ZNF197: variants seen among roughly 807,000 people sequenced by gnomAD.
ZNF197 encodes the protein VHL-associated KRAB-A domain-containing protein.
Under a neutral mutation model 27.4 loss-of-function variants are expected in ZNF197, and 14 were observed. The observed-to-expected ratio is 0.51, with a 90% CI of 0.34 to 0.80. The LOEUF (loss-of-function observed/expected upper bound fraction) is 0.80, where lower values mean the gene tolerates loss of function less well. Among genes scored for constraint, ZNF197 ranks in the 30% least tolerant of loss-of-function variants. The pLI is 0.02. For synonymous variants in ZNF197, 415 were observed against 420.0 expected (o/e 0.99, Z 0.15); for missense variants, 1,090 against 1,222.6 (o/e 0.89, Z 1.62).
chr3:44,625,963 C>A (rs13321717), intron 1 of ZNF197, among the ~76,000 whole-genome samples: 57,496 of 152,052 alleles, frequency 0.38, 12,212 homozygotes, highest in East Asian at 0.83. Context: ...GAATTAGAAT[C>A]CCTGAATTCA....
rs1284465888 is a variant in ZNF197, at chr3:44,647,342, A to G, written c.*3122A>G. ...CAAGGATGAAGAGAAACAGGATCTC[A>G]TACATTGCTGGGAATGTAAAATGGT... On this transcript the variant is annotated 3_prime_UTR_variant, in exon 6 of 6. Coordinates refer to ENST00000344387, the MANE Select transcript of ZNF197 (RefSeq NM_006991.5). 1 of 152,068 alleles carries G rather than the reference A, an allele frequency of 6.6e-6. No individual in the cohort carries two copies. Among genetic ancestry groups the G allele is most frequent in the Admixed American group, 6.6e-5 (1 of 15,262 alleles). 9.4% of individuals were successfully genotyped at this position (152,068 alleles called of 1,614,324 possible).
At chr3:44,625,769 CA>C (rs2125787683) in intron 1 of ZNF197, among the ~76,000 whole-genome samples, 1 of 152,194 alleles carries the variant, frequency 6.6e-6, no homozygotes, top group East Asian at 1.9e-4. Flanking sequence ...CACACACACA[CA>C]CACACACACA....
Position 44,646,682 on chromosome 3 carries a change from CTTTTG to C in ZNF197, c.*2464_*2468del. On this transcript the variant is annotated 3_prime_UTR_variant, in exon 6 of 6. Coordinates refer to ENST00000344387, the MANE Select transcript of ZNF197 (RefSeq NM_006991.5). ...TGTGAGTTTATTATACCATTCTCTG[CTTTTG>C]TGTATGTATGAAAATTTCGATATGA... is the stretch of plus-strand genomic sequence containing the variant. 5.2e-6 allele frequency: 3 copies of C among 574,224 alleles called. No individual in the cohort carries two copies. Among genetic ancestry groups the C allele is most frequent in the Non-Finnish European group, 9.4e-6 (3 of 319,822 alleles). The allele number at this position is 574,224 out of a possible 1,614,324, so 35.6% of individuals were successfully genotyped here. A position where few individuals can be genotyped will look rare whatever the true frequency, so the allele number is the denominator to read the frequency against.
rs528576370 is a variant in ZNF197 at position 44,630,905 on chromosome 3, C to G, written c.391-157C>G. 192 of 1,019,238 alleles carry G rather than the reference C, an allele frequency of 1.9e-4. 2 individuals are homozygous for G. The Admixed American group carries it at 3.4e-3, about 18-fold the overall frequency. 63.1% of individuals were successfully genotyped at this position (1,019,238 alleles called of 1,614,324 possible). On this transcript the variant is annotated intron_variant, in intron 2 of 5. Transcript: ENST00000344387. ...GGCTCGAGGGCAGCTCCATTGTTCT[C>G]AATGCAAAGCTTTACTGCTGTTTTG...
chr3:44,641,754 T>G, intron 5 of ZNF197, 146 bp from the exon 6 acceptor site: 2 of 940,512 alleles, frequency 2.1e-6, no homozygotes, highest in South Asian at 2.0e-5. Context: ...AGCATTATTC[T>G]TTGTACCTTC....
In ZNF197 at chr3:44,644,409, C is replaced by T. The variant is rs988405729; in HGVS notation, c.*189C>T. The T allele has an allele frequency of 4.7e-5, 61 of 1,299,416 alleles. No individual in the cohort carries two copies. The highest frequency in any genetic ancestry group is 6.1e-5 in the African/African-American group (4 of 65,586). The allele number at this position is 1,299,416 out of a possible 1,614,324, so 80.5% of individuals were successfully genotyped here. A position where few individuals can be genotyped will look rare whatever the true frequency, so the allele number is the denominator to read the frequency against. Reference sequence around the variant, plus strand: ...ATCCCAGCACTTTGAGAGGCCGAAGCGAGTGGATCACCTGAGGTCAGGATT... The same window carrying T: ...ATCCCAGCACTTTGAGAGGCCGAAGTGAGTGGATCACCTGAGGTCAGGATT... On this transcript the variant is annotated 3_prime_UTR_variant, in exon 6 of 6. Transcript: ENST00000344387.
In ZNF197 at chr3:44,631,930, T is replaced by C. The variant is rs114090129; in HGVS notation, c.551-175T>C. On this transcript the variant is annotated intron_variant, in intron 3 of 5. Coordinates refer to ENST00000344387, the MANE Select transcript of ZNF197 (RefSeq NM_006991.5). Reference sequence around the variant, plus strand: ...GTTGGCCAGGATGGTCGTAATCTCTTGACCTTGGGAGCCACCCACCTCGGC... The same window carrying C: ...GTTGGCCAGGATGGTCGTAATCTCTCGACCTTGGGAGCCACCCACCTCGGC... 8.7e-3 allele frequency among the ~76,000 whole-genome samples: 1,331 copies of C among 152,252 alleles called. 16 individuals are homozygous for C. Among genetic ancestry groups the C allele is most frequent in the African/African-American group, 0.031 (1,268 of 41,528 alleles).
chr3:44,646,045 CCA>C lies in ZNF197; in HGVS notation c.*1828_*1829del. On this transcript the variant is annotated 3_prime_UTR_variant, in exon 6 of 6. Coordinates refer to ENST00000344387, the MANE Select transcript of ZNF197 (RefSeq NM_006991.5). ...TATCATAAATGTTATTAATTCAACC[CCA>C]CAGTTTCTTGGGGGCTGGTTCCTCA... The C allele has an allele frequency of 1.0e-6, 1 of 985,156 alleles. No homozygotes were observed. The highest frequency in any genetic ancestry group is 1.2e-6 in the Non-Finnish European group (1 of 829,904). The allele number at this position is 985,156 out of a possible 1,614,324, so 61.0% of individuals were successfully genotyped here. A position where few individuals can be genotyped will look rare whatever the true frequency, so the allele number is the denominator to read the frequency against.
At chr3:44,625,750 G>GCGCGCA (rs1370257625) in intron 1 of ZNF197, among the ~76,000 whole-genome samples, 13 of 149,058 alleles carry the variant, frequency 8.7e-5, no homozygotes, top group African/African-American at 3.2e-4. Flanking sequence ...GCGCGCGCGC[G>GCGCGCA]CACACACACA....
intron 3 of ZNF197, 126 bp downstream of exon 3, chr3:44,631,347 C>A: frequency 8.4e-7 from 1 of 1,190,578 alleles, no homozygotes; most frequent in Non-Finnish European, 1.2e-6. Flanking sequence ...CAATTTCTTT[C>A]TGCTGTTCTG....
At chr3:44,630,234 A>T (rs1197727727) in intron 2 of ZNF197, among the ~76,000 whole-genome samples, 2 of 152,166 alleles carry the variant, frequency 1.3e-5, no homozygotes, top group African/African-American at 2.4e-5. Context: ...ATAAATAAAT[A>T]AAATGGCAGT....
intron 3 of ZNF197, 67 bp downstream of exon 3, chr3:44,631,288 C>G (rs577605321): frequency 6.3e-7 from 1 of 1,587,526 alleles, no homozygotes; most frequent in Non-Finnish European, 8.6e-7. Flanking sequence ...CCCCCTACTT[C>G]CAGGGAGTTG....
chr3:44,643,671 G>A lies in ZNF197; in HGVS notation c.2541G>A (p.Ala847=), dbSNP rs138694177. Reference sequence around the variant, plus strand: ...TCCATACTGGTGAGAAGCCCTATGCGTGTAGTGAGTGTGGAAAAGGTTTTA... The same window carrying A: ...TCCATACTGGTGAGAAGCCCTATGCATGTAGTGAGTGTGGAAAAGGTTTTA... ...QRIHTGEKPY[A]CSECGKGFTY... is the part of the protein sequence containing the mutation. The change falls in exon 6 of 6, where the codon GCG becomes GCA. Residue 847 remains alanine (A), a synonymous_variant. Coordinates refer to ENST00000344387, the MANE Select transcript of ZNF197 (RefSeq NM_006991.5). The A allele has an allele frequency of 1.1e-4, 175 of 1,613,946 alleles. No individual in the cohort carries two copies. Among genetic ancestry groups the A allele is most frequent in the Middle Eastern group, 1.6e-4 (1 of 6,084 alleles).
intron 4 of ZNF197, 38 bp from the exon 5 acceptor site, chr3:44,632,435 C>T (rs1398567996): frequency 1.3e-6 from 2 of 1,555,338 alleles, no homozygotes; most frequent in South Asian, 1.2e-5. Context: ...AGGCAAGTTC[C>T]TGGGCATTGG....
At chr3:44,630,573 A>G (rs1701932182) in intron 2 of ZNF197, among the ~76,000 whole-genome samples, 1 of 152,198 alleles carries the variant, frequency 6.6e-6, no homozygotes, top group Non-Finnish European at 1.5e-5. Flanking sequence ...ATACATCCTC[A>G]TTTGAGAGAT....
rs775733298 is a variant in ZNF197 at position 44,646,204 on chromosome 3, T to G, written c.*1984T>G. 3.1e-6 allele frequency: 3 copies of G among 980,106 alleles called. No individual in the cohort carries two copies. Among genetic ancestry groups the G allele is most frequent in the Non-Finnish European group, 3.6e-6 (3 of 825,124 alleles). The allele number at this position is 980,106 out of a possible 1,614,324, so 60.7% of individuals were successfully genotyped here. A position where few individuals can be genotyped will look rare whatever the true frequency, so the allele number is the denominator to read the frequency against. On this transcript the variant is annotated 3_prime_UTR_variant, in exon 6 of 6. Transcript: ENST00000344387. ...TTCAGTTCTTGGAGCCTTGAATTCC[T>G]CATCTGTTAAACAGGAGGAAGAATA...
intron 5 of ZNF197, among the ~76,000 whole-genome samples, chr3:44,636,799 C>T (rs1702320100): frequency 6.6e-6 from 1 of 152,196 alleles, no homozygotes; most frequent in Non-Finnish European, 1.5e-5. Flanking sequence ...TCCAAAGCAA[C>T]TGCACCATTT....
chr3:44,642,728 C>T lies in ZNF197; in HGVS notation c.1598C>T (p.Ser533Phe), dbSNP rs1345724954. The part of the protein sequence containing the change: ...KSLILHQRIH[S>F]GEKPYKCDEC... ...CTCATTCTGCACCAGAGAATCCACTCTGGGGAAAAACCCTATAAATGTGAT... is the reference window on the plus strand; with the variant it reads ...CTCATTCTGCACCAGAGAATCCACTTTGGGGAAAAACCCTATAAATGTGAT... The change falls in exon 6 of 6, where the codon TCT (serine) becomes TTT (phenylalanine). Residue 533 changes from serine (S) to phenylalanine (F), a missense_variant. Coordinates refer to ENST00000344387, the MANE Select transcript of ZNF197 (RefSeq NM_006991.5). 3 of 1,613,800 alleles carry T rather than the reference C, an allele frequency of 1.9e-6. No homozygotes were observed.
intron 1 of ZNF197, among the ~76,000 whole-genome samples, chr3:44,625,652 G>C (rs1408125750): frequency 6.6e-6 from 1 of 151,970 alleles, no homozygotes; most frequent in Non-Finnish European, 1.5e-5. Flanking sequence ...ACTCAAACTT[G>C]AAACCACCCA....
Sources: allele counts gnomAD v4.1 joint callset (sites outside exome capture counted in the v4.1 genomes callset), GRCh38; gene constraint gnomAD v4.1.1; transcripts MANE v1.5; gene names NCBI Gene and HGNC (gene_info 2026-07-23, HGNC 2026-07-21).